TDP1: variants seen among roughly 807,000 people sequenced by gnomAD.
TDP1 encodes the protein tyrosyl-DNA phosphodiesterase 1, also known as tyr-DNA phosphodiesterase 1.
A neutral mutation model predicts 81.5 loss-of-function variants in TDP1; 64 were observed. That is an observed-to-expected ratio of 0.79 (90% CI 0.64 to 0.97). TDP1 has a LOEUF of 0.97. Ranked by LOEUF, TDP1 falls within the 50% of genes least tolerant of loss-of-function variation. The pLI is 0.00. For synonymous variants in TDP1, 256 were observed against 264.3 expected, an observed-to-expected ratio of 0.97 and a Z score of 0.30; for missense variants, 723 against 743.8, an observed-to-expected ratio of 0.97 and a Z score of 0.33.
chr14:89,975,851 G>GC, intron 7 of TDP1, 36 bp downstream of exon 7: 2 of 1,573,782 alleles, frequency 1.3e-6, no homozygotes, highest in Non-Finnish European at 1.7e-6. Context: ...AACCCCTCAA[G>GC]CATTGTCATT....
intron 8 of TDP1, among the ~76,000 whole-genome samples, chr14:89,982,755 C>T (rs1895129065): frequency 6.6e-6 from 1 of 152,220 alleles, no homozygotes; most frequent in African/African-American, 2.4e-5. Flanking sequence ...CTTCCTCTGG[C>T]AGCCATCCTG....
chr14:89,960,033 T>C (rs921859441), intron 2 of TDP1, among the ~76,000 whole-genome samples: 2 of 152,220 alleles, frequency 1.3e-5, no homozygotes, highest in Admixed American at 6.5e-5. Context: ...GCCTGAGGAC[T>C]GTAATGGAAG....
At chr14:90,013,659 G>A (rs1884982611) in intron 14 of TDP1, among the ~76,000 whole-genome samples, 3 of 152,066 alleles carry the variant, frequency 2.0e-5, no homozygotes, top group Non-Finnish European at 4.4e-5. Context: ...AAAAATACTT[G>A]ATATGGTTTG....
At chr14:89,971,050 G>T in intron 5 of TDP1, 125 bp from the exon 6 acceptor site, 1 of 752,896 alleles carries the variant, frequency 1.3e-6, no homozygotes, top group East Asian at 2.9e-5. Flanking sequence ...TGGCCAGTCT[G>T]GTCTCGAACT....
chr14:90,030,444 G>T (rs990623615), intron 15 of TDP1, among the ~76,000 whole-genome samples: 1 of 152,152 alleles, frequency 6.6e-6, no homozygotes, highest in Non-Finnish European at 1.5e-5. Context: ...TAAGGAAAAT[G>T]ACTAGAAGAA....
chr14:90,021,006 A>G (rs1451087231), intron 15 of TDP1, among the ~76,000 whole-genome samples: 1 of 151,662 alleles, frequency 6.6e-6, no homozygotes, highest in Non-Finnish European at 1.5e-5. Flanking sequence ...ATGTTGGCCA[A>G]GTCTCCAACT....
chr14:90,031,108 A>T lies in TDP1; in HGVS notation c.1645-1998A>T, dbSNP rs538982331. ...TTACAAACACAGAACATTTTTTTTT[A>T]AATTTTATTATTATTATACTTTAAG... On this transcript the variant is annotated intron_variant, in intron 15 of 16. Coordinates refer to ENST00000335725, the MANE Select transcript of TDP1 (RefSeq NM_018319.4). 1.4e-3 allele frequency among the ~76,000 whole-genome samples: 207 copies of T among 151,542 alleles called. 1 individual carries two copies. The highest frequency in any genetic ancestry group is 2.3e-3 in the South Asian group (11 of 4,800).
intron 14 of TDP1, among the ~76,000 whole-genome samples, chr14:90,003,125 A>T (rs1897324297): frequency 6.6e-6 from 1 of 151,984 alleles, no homozygotes. Context: ...TTTAGTAGAG[A>T]TGAGGTTTCA....
rs1157013809 is a variant in TDP1, at chr14:89,969,906, T to C, written c.660-1269T>C. On this transcript the variant is annotated intron_variant, in intron 5 of 16. Coordinates refer to ENST00000335725, the MANE Select transcript of TDP1 (RefSeq NM_018319.4). ...TTTTTTTTTTTTTTGAGGCGGAGTCTCGCTCTGTCGCCCAGGCTGGAGTGC... is the reference window on the plus strand; with the variant it reads ...TTTTTTTTTTTTTTGAGGCGGAGTCCCGCTCTGTCGCCCAGGCTGGAGTGC... 2.6e-4 allele frequency among the ~76,000 whole-genome samples: 37 copies of C among 139,658 alleles called. 1 individual carries two copies. The South Asian group carries it at 8.7e-3, about 33-fold the overall frequency. 91.6% of individuals were successfully genotyped at this position (139,658 alleles called of 152,430 possible). A position where few individuals can be genotyped will look rare whatever the true frequency, so the allele number is the denominator to read the frequency against.
chr14:90,004,039 G>A lies in TDP1; in HGVS notation c.1541+10556G>A, dbSNP rs148957294. Among the ~76,000 whole-genome samples the A allele has an allele frequency of 3.1e-3, 477 of 152,276 alleles. 2 individuals are homozygous for A. The highest frequency in any genetic ancestry group is 0.011 in the African/African-American group (455 of 41,558). On this transcript the variant is annotated intron_variant, in intron 14 of 16. Coordinates refer to ENST00000335725, the MANE Select transcript of TDP1 (RefSeq NM_018319.4). ...CTGTGGCTCTAAGATATTGGGATTAGCTGGTATGCTTCATGTGCTTTGTTA... is the reference window on the plus strand; with the variant it reads ...CTGTGGCTCTAAGATATTGGGATTAACTGGTATGCTTCATGTGCTTTGTTA...
intron 14 of TDP1, among the ~76,000 whole-genome samples, chr14:89,998,420 A>ATATATATATGTATGTATGTATGTATG (rs1566891293): frequency 1.3e-5 from 1 of 79,286 alleles, no homozygotes; most frequent in African/African-American, 6.4e-5. Context: ...ATATATATAT[A>ATATATATATGTATGTATGTATGTATG]TATGTATGTA....
Position 90,042,561 on chromosome 14 carries a change from A to G in TDP1, c.1754-509A>G, listed in dbSNP as rs189419550. Among the ~76,000 whole-genome samples the G allele has an allele frequency of 1.3e-4, 20 of 152,314 alleles. No individual in the cohort carries two copies. In the East Asian group the frequency reaches 2.1e-3, roughly 16 times the overall value. On this transcript the variant is annotated intron_variant, in intron 16 of 16. Coordinates refer to ENST00000335725, the MANE Select transcript of TDP1 (RefSeq NM_018319.4). The stretch of plus-strand genomic sequence containing the variant: ...TGGAGACTGGGTAATTTATAAAGGA[A>G]AGAGGTTTAATTGACTCATAGTTCC...
chr14:90,026,226 C>G (rs1886631918), intron 15 of TDP1, among the ~76,000 whole-genome samples: 1 of 152,248 alleles, frequency 6.6e-6, no homozygotes, highest in African/African-American at 2.4e-5. Flanking sequence ...CCTTAACCCT[C>G]TCTTTGTCTT....
intron 14 of TDP1, among the ~76,000 whole-genome samples, chr14:89,994,049 G>T (rs551949622): frequency 6.6e-6 from 1 of 152,096 alleles, no homozygotes; most frequent in Non-Finnish European, 1.5e-5. Flanking sequence ...GCATTTTTGT[G>T]TCTATTTTTA....
At chr14:89,984,853 A>G (rs560306406) in intron 9 of TDP1, 170 bp downstream of exon 9, 1 of 985,364 alleles carries the variant, frequency 1.0e-6, no homozygotes, top group African/African-American at 1.7e-5. Flanking sequence ...TGTGGTTCTC[A>G]GGCATTAAAG....
chr14:89,996,491 C>T lies in TDP1; in HGVS notation c.1541+3008C>T, dbSNP rs934373825. On this transcript the variant is annotated intron_variant, in intron 14 of 16. Coordinates refer to ENST00000335725, the MANE Select transcript of TDP1 (RefSeq NM_018319.4). ...GTTCAGGTCCCATCTCCGCCTGGAG[C>T]CTCTTTCAGCCTCTGCTGGTCCCTC... 5.3e-5 allele frequency among the ~76,000 whole-genome samples: 8 copies of T among 152,308 alleles called. No homozygotes were observed. The South Asian group carries it at 1.2e-3, about 24-fold the overall frequency.
chr14:89,961,340 G>A (rs1352041609), intron 2 of TDP1, among the ~76,000 whole-genome samples: 2 of 152,216 alleles, frequency 1.3e-5, no homozygotes, highest in African/African-American at 4.8e-5. Context: ...GTCATGGCCT[G>A]TGGAACCAGA....
At chr14:89,981,536 G>T (rs1894978913) in intron 8 of TDP1, 1 of 452,584 alleles carries the variant, frequency 2.2e-6, no homozygotes, top group Non-Finnish European at 4.4e-6. Context: ...GAGAAACTCG[G>T]ACGTTTGTCT....
At chr14:90,012,042 T>A (rs1176368023) in intron 14 of TDP1, among the ~76,000 whole-genome samples, 2 of 152,242 alleles carry the variant, frequency 1.3e-5, no homozygotes, top group Non-Finnish European at 1.5e-5. Context: ...CCCAGGCCCT[T>A]GCCGCTTTGT....
Sources: allele counts gnomAD v4.1 joint callset (sites outside exome capture counted in the v4.1 genomes callset), GRCh38; gene constraint gnomAD v4.1.1; transcripts MANE v1.5; gene names NCBI Gene and HGNC (gene_info 2026-07-23, HGNC 2026-07-21).